The following SLC49A4 variants were observed in gnomAD, a reference collection of about 807,000 sequenced individuals.
The protein encoded by SLC49A4 is solute carrier family 49 member 4, also known as disrupted in renal cancer protein 2.
SLC49A4 carries 36 observed loss-of-function variants against 50.6 expected under a neutral mutation model. The ratio of observed to expected loss-of-function variants is 0.71; its 90% CI spans 0.55 to 0.94. SLC49A4 has a LOEUF of 0.94. Among genes scored for constraint, SLC49A4 ranks in the 40% least tolerant of loss-of-function variants. SLC49A4 has a pLI of 0.00. For synonymous variants in SLC49A4, 248 were observed against 241.2 expected (o/e 1.03, Z -0.26); for missense variants, 503 against 605.7 (o/e 0.83, Z 1.78).
At position 122,833,311 on chromosome 3, in the gene SLC49A4, T is replaced by G. The variant is rs1459610230; in HGVS notation, c.704-6T>G. 1.2e-6 allele frequency: 2 copies of G among 1,610,928 alleles called. No homozygotes were observed. The highest frequency in any genetic ancestry group is 3.4e-5 in the Admixed American group (2 of 59,558). ...GGTTAACATTTTACCTATTTTTTTCTTTCAGAATTTGGAGTTGTCTGCTTA... is the reference window on the plus strand; with the variant it reads ...GGTTAACATTTTACCTATTTTTTTCGTTCAGAATTTGGAGTTGTCTGCTTA... On this transcript the variant is annotated splice_region_variant and splice_polypyrimidine_tract_variant and intron_variant, in intron 3 of 8. Coordinates refer to ENST00000261038, the MANE Select transcript of SLC49A4 (RefSeq NM_032839.3).
intron 2 of SLC49A4, among the ~76,000 whole-genome samples, chr3:122,816,057 T>C (rs1936363529): frequency 6.6e-6 from 1 of 152,178 alleles, no homozygotes; most frequent in African/African-American, 2.4e-5. Flanking sequence ...TCCTCTTTAC[T>C]TTACCAGCTT....
chr3:122,844,780 C>T (rs1343530270), intron 4 of SLC49A4, among the ~76,000 whole-genome samples: 1 of 147,750 alleles, frequency 6.8e-6, no homozygotes, highest in Non-Finnish European at 1.5e-5. Flanking sequence ...GGAACTCCAT[C>T]TTCAAAAAAA....
chr3:122,824,619 CTCTT>C (rs565152434), intron 2 of SLC49A4, among the ~76,000 whole-genome samples: 419 of 149,914 alleles, frequency 2.8e-3, no homozygotes, highest in East Asian at 7.0e-3. Flanking sequence ...TCTTTTCTTT[CTCTT>C]TCTTTCTTTC....
intron 7 of SLC49A4, among the ~76,000 whole-genome samples, chr3:122,861,203 C>G (rs368555235): frequency 1.3e-5 from 2 of 152,182 alleles, no homozygotes; most frequent in South Asian, 2.1e-4. Context: ...CCATTTCAAC[C>G]TTAATCCCCT....
At chr3:122,839,680 A>T (rs558632493) in intron 4 of SLC49A4, among the ~76,000 whole-genome samples, 10 of 152,308 alleles carry the variant, frequency 6.6e-5, no homozygotes, top group African/African-American at 2.2e-4. Context: ...CATTAAAACC[A>T]CAATTAGATA....
At chr3:122,811,312 TTGAGAACTCG>T (rs1463385842) in intron 2 of SLC49A4, among the ~76,000 whole-genome samples, 1 of 152,246 alleles carries the variant, frequency 6.6e-6, no homozygotes, top group African/African-American at 2.4e-5. Context: ...GAATTCTTTC[TTGAGAACTCG>T]AGAGAACTCA....
At chr3:122,877,755 G>T (rs1403856520) in intron 8 of SLC49A4, among the ~76,000 whole-genome samples, 1 of 146,952 alleles carries the variant, frequency 6.8e-6, no homozygotes. Context: ...TTTTTGCCTA[G>T]TAAAATTATC....
intron 1 of SLC49A4, among the ~76,000 whole-genome samples, chr3:122,805,810 C>G (rs956556354): frequency 2.0e-5 from 3 of 152,156 alleles, no homozygotes; most frequent in Non-Finnish European, 2.9e-5. Context: ...ATACTTTGCC[C>G]TCTGTGTGAC....
intron 5 of SLC49A4, among the ~76,000 whole-genome samples, chr3:122,855,430 A>T (rs540221066): frequency 6.6e-6 from 1 of 152,350 alleles, no homozygotes; most frequent in Non-Finnish European, 1.5e-5. Context: ...ACTAACATGC[A>T]TTGAGCACTT....
At chr3:122,836,196 T>C (rs923736186) in intron 4 of SLC49A4, among the ~76,000 whole-genome samples, 2 of 152,214 alleles carry the variant, frequency 1.3e-5, no homozygotes, top group African/African-American at 2.4e-5. Context: ...TTGAGAGTTT[T>C]AGCATGAAGG....
chr3:122,849,226 T>C (rs1044221454), intron 5 of SLC49A4, among the ~76,000 whole-genome samples: 4 of 152,232 alleles, frequency 2.6e-5, no homozygotes, highest in Non-Finnish European at 5.9e-5. Flanking sequence ...ACTTAGGTTG[T>C]TTCCAAACCT....
chr3:122,877,095 A>G (rs558351685), intron 8 of SLC49A4, among the ~76,000 whole-genome samples: 2 of 152,338 alleles, frequency 1.3e-5, no homozygotes, highest in Admixed American at 1.3e-4. Context: ...GTTCATCTAC[A>G]TCAGGGTCAG....
intron 7 of SLC49A4, among the ~76,000 whole-genome samples, chr3:122,869,598 T>C (rs1937169028): frequency 6.6e-6 from 1 of 152,092 alleles, no homozygotes; most frequent in South Asian, 2.1e-4. Context: ...AATTGCTAGG[T>C]CAAAGAGTAA....
rs906158139 is a variant in SLC49A4, at chr3:122,863,361, G to A, written c.1138+3159G>A. Among the ~76,000 whole-genome samples, 52 of 152,212 alleles carry A rather than the reference G, an allele frequency of 3.4e-4. 1 individual carries two copies. Among genetic ancestry groups the A allele is most frequent in the African/African-American group, 1.2e-3 (51 of 41,458 alleles). Reference sequence around the variant, plus strand: ...GAACCTAGCACAGGCCCTGAAGAAGGAGTGAATGAATGAATGAAGTATATG... The same window carrying A: ...GAACCTAGCACAGGCCCTGAAGAAGAAGTGAATGAATGAATGAAGTATATG... On this transcript the variant is annotated intron_variant, in intron 7 of 8. Coordinates refer to ENST00000261038, the MANE Select transcript of SLC49A4 (RefSeq NM_032839.3).
chr3:122,862,352 C>T (rs1937067072), intron 7 of SLC49A4, among the ~76,000 whole-genome samples: 1 of 152,176 alleles, frequency 6.6e-6, no homozygotes. Context: ...CCCTGTTCTA[C>T]ACCATCCTGC....
At chr3:122,823,551 C>G (rs1225481655) in intron 2 of SLC49A4, among the ~76,000 whole-genome samples, 1 of 152,232 alleles carries the variant, frequency 6.6e-6, no homozygotes, top group Non-Finnish European at 1.5e-5. Context: ...TCTCATTTGC[C>G]TGTCACAGTG....
intron 2 of SLC49A4, among the ~76,000 whole-genome samples, chr3:122,810,028 C>A (rs749975533): frequency 2.6e-5 from 4 of 152,136 alleles, no homozygotes; most frequent in African/African-American, 9.7e-5. Context: ...AGTCTCCATC[C>A]GATGTTCCAG....
intron 5 of SLC49A4, among the ~76,000 whole-genome samples, chr3:122,853,218 C>A (rs1010371175): frequency 1.3e-5 from 2 of 152,150 alleles, no homozygotes; most frequent in African/African-American, 4.8e-5. Context: ...AGGCAGCTCC[C>A]TTCAACCTCT....
intron 8 of SLC49A4, among the ~76,000 whole-genome samples, chr3:122,873,647 G>A (rs926899285): frequency 2.0e-5 from 3 of 152,164 alleles, no homozygotes; most frequent in African/African-American, 7.2e-5. Context: ...AGGTAAAGTA[G>A]GTCTTTGCTA....
Sources: gnomAD v4.1 joint callset for allele counts (sites outside exome capture counted in the v4.1 genomes callset) on GRCh38, gnomAD v4.1.1 for gene constraint, MANE v1.5 for transcripts, NCBI Gene and HGNC (gene_info 2026-07-23, HGNC 2026-07-21) for gene names.